The following PHF21B variants were observed in gnomAD, a reference collection of about 807,000 sequenced individuals.
PHF21B encodes PHD finger protein 4.
A neutral mutation model predicts 62.2 loss-of-function variants in PHF21B; 22 were observed. That is an observed-to-expected ratio of 0.35 (90% CI 0.25 to 0.51). PHF21B has a LOEUF of 0.51. PHF21B is among the 20% of genes least tolerant of loss of function. PHF21B has a pLI of 0.97. For missense variants in PHF21B, 701 were observed against 707.9 expected (o/e 0.99, Z 0.11); for synonymous variants, 341 against 314.7 (o/e 1.08, Z -0.88).
chr22:44,889,321 G>A (rs920828093), intron 9 of PHF21B, among the ~76,000 whole-genome samples: 2 of 152,250 alleles, frequency 1.3e-5, no homozygotes, highest in Non-Finnish European at 2.9e-5. Flanking sequence ...TCACAGAAAT[G>A]TGGGTGTGTG....
chr22:44,932,038 A>G (rs898379746), intron 2 of PHF21B, among the ~76,000 whole-genome samples: 1 of 152,208 alleles, frequency 6.6e-6, no homozygotes, highest in Non-Finnish European at 1.5e-5. Flanking sequence ...GGAAAGACGC[A>G]GCCTTGAGGC....
intron 2 of PHF21B, among the ~76,000 whole-genome samples, chr22:44,954,039 C>A (rs1455245183): frequency 6.6e-6 from 1 of 152,214 alleles, no homozygotes; most frequent in African/African-American, 2.4e-5. Flanking sequence ...AGAGCAGACC[C>A]CCAGTGGGGT....
At chr22:44,935,054 G>A (rs4514991) in intron 2 of PHF21B, among the ~76,000 whole-genome samples, 104,568 of 152,002 alleles carry the variant, frequency 0.69, 37,620 homozygotes, top group Non-Finnish European at 0.79. Context: ...AAACACACAC[G>A]CTCATGCAGT....
intron 5 of PHF21B, 113 bp from the exon 6 acceptor site, chr22:44,896,196 C>A: frequency 8.9e-7 from 1 of 1,126,258 alleles, no homozygotes; most frequent in East Asian, 2.4e-5. Context: ...GTGCCCTAAC[C>A]ACAGAGGCCT....
At chr22:44,894,185 A>AG (rs1239487019) in intron 6 of PHF21B, among the ~76,000 whole-genome samples, 1 of 152,216 alleles carries the variant, frequency 6.6e-6, no homozygotes, top group African/African-American at 2.4e-5. Flanking sequence ...GTTTTCTGTA[A>AG]GGCACTCAGA....
chr22:44,945,307 A>C (rs1247454440), intron 2 of PHF21B, among the ~76,000 whole-genome samples: 1 of 152,184 alleles, frequency 6.6e-6, no homozygotes, highest in Non-Finnish European at 1.5e-5. Context: ...GGTCTGACCC[A>C]GGCTCCCCCA....
At chr22:44,942,029 G>A (rs1291655095) in intron 2 of PHF21B, among the ~76,000 whole-genome samples, 2 of 152,220 alleles carry the variant, frequency 1.3e-5, no homozygotes, top group Non-Finnish European at 2.9e-5. Context: ...CATGGCCCGA[G>A]GCCCAGTGGG....
chr22:44,925,259 T>C (rs2071607080), intron 2 of PHF21B, among the ~76,000 whole-genome samples: 1 of 152,214 alleles, frequency 6.6e-6, no homozygotes, highest in South Asian at 2.1e-4. Flanking sequence ...ATATTGTACA[T>C]TCTAAATACA....
intron 2 of PHF21B, among the ~76,000 whole-genome samples, chr22:44,983,219 G>A (rs969686659): frequency 2.3e-5 from 3 of 128,308 alleles, no homozygotes; most frequent in African/African-American, 9.1e-5. Flanking sequence ...GGGCGACAGA[G>A]CGAGACTCTG....
Position 45,009,394 on chromosome 22 carries a change from A to T in PHF21B, c.54+102T>A. 2 of 1,230,722 alleles carry T rather than the reference A, an allele frequency of 1.6e-6. No individual in the cohort carries two copies. Among genetic ancestry groups the T allele is most frequent in the Non-Finnish European group, 2.2e-6 (2 of 915,208 alleles). The allele number at this position is 1,230,722 out of a possible 1,614,324, so 76.2% of individuals were successfully genotyped here. On this transcript the variant is annotated intron_variant, in intron 1 of 12. Coordinates refer to ENST00000313237, the MANE Select transcript of PHF21B (RefSeq NM_138415.5). This position sits in a 1 kb window ranked among gnomAD's most constrained non-coding sequence, Gnocchi z 5.9. Reference sequence around the variant, plus strand: ...CGCCCCCGGGCAGGCTCCAGCCTGGAAGACCCAGAGACCCGGAAGAGAGGA... The same window carrying T: ...CGCCCCCGGGCAGGCTCCAGCCTGGTAGACCCAGAGACCCGGAAGAGAGGA...
chr22:44,932,371 C>CTGGAGTCCCCTGAGTCTGGGG (rs2071759741), intron 2 of PHF21B, among the ~76,000 whole-genome samples: 1 of 152,140 alleles, frequency 6.6e-6, no homozygotes, highest in South Asian at 2.1e-4. Flanking sequence ...TCAGAGTGTC[C>CTGGAGTCCCCTGAGTCTGGGG]TTATTCCTTC....
intron 5 of PHF21B, among the ~76,000 whole-genome samples, chr22:44,911,096 CT>C (rs1450596224): frequency 6.6e-6 from 1 of 152,166 alleles, no homozygotes; most frequent in Non-Finnish European, 1.5e-5. Context: ...ACTTGTGGAA[CT>C]TTGAACTTGA....
chr22:44,884,179 T>TGATCAC (rs2070797031), intron 12 of PHF21B, among the ~76,000 whole-genome samples: 1 of 141,716 alleles, frequency 7.1e-6, no homozygotes, highest in African/African-American at 2.7e-5. Context: ...ATCACCACCA[T>TGATCAC]CATTACCACC....
chr22:45,001,756 G>A (rs146933935), intron 2 of PHF21B: 1 of 152,218 alleles, frequency 6.6e-6, no homozygotes, highest in African/African-American at 2.4e-5. Flanking sequence ...ACAATACCAC[G>A]TCAGGTGTGA....
intron 2 of PHF21B, among the ~76,000 whole-genome samples, chr22:44,948,932 C>G (rs1273685047): frequency 2.0e-5 from 3 of 152,212 alleles, no homozygotes; most frequent in African/African-American, 7.2e-5. Context: ...GGCTTATCCA[C>G]AAATGGGTCA....
At chr22:44,888,320 AG>A (rs964875526) in intron 9 of PHF21B, among the ~76,000 whole-genome samples, 199 bp from the exon 10 acceptor site, 14 of 151,910 alleles carry the variant, frequency 9.2e-5, no homozygotes, top group Admixed American at 5.2e-4. Context: ...CCCTGGGAGG[AG>A]GGGGGGCACC....
intron 2 of PHF21B, among the ~76,000 whole-genome samples, chr22:44,930,913 C>G (rs2071729002): frequency 6.6e-6 from 1 of 152,210 alleles, no homozygotes; most frequent in Admixed American, 6.5e-5. Flanking sequence ...CATCCTGAAT[C>G]CTGCTCTCTC....
intron 2 of PHF21B, among the ~76,000 whole-genome samples, chr22:44,935,554 C>T (rs1486252773): frequency 6.6e-6 from 1 of 151,950 alleles, no homozygotes; most frequent in African/African-American, 2.4e-5. Context: ...GTGGAGCTTG[C>T]AGTGAGCCGA....
Position 45,009,133 on chromosome 22 carries a change from G to C in PHF21B, c.54+363C>G, listed in dbSNP as rs1304915373. On this transcript the variant is annotated intron_variant, in intron 1 of 12. Coordinates refer to ENST00000313237, the MANE Select transcript of PHF21B (RefSeq NM_138415.5). The surrounding 1 kb of genome is among the most constrained non-coding windows in gnomAD (Gnocchi z 5.9). ...ACCGGGCAGGTTCGCCCGGGGCGCGGGGGCCCGAGGGGAGGCCGGAAGGGG... is the reference window on the plus strand; with the variant it reads ...ACCGGGCAGGTTCGCCCGGGGCGCGCGGGCCCGAGGGGAGGCCGGAAGGGG... The C allele has an allele frequency of 1.4e-6, 1 of 701,850 alleles. No homozygotes were observed. The highest frequency in any genetic ancestry group is 1.9e-6 in the Non-Finnish European group (1 of 520,442). 43.5% of individuals were successfully genotyped at this position (701,850 alleles called of 1,614,324 possible). A position where few individuals can be genotyped will look rare whatever the true frequency, so the allele number is the denominator to read the frequency against.
Sources: allele counts gnomAD v4.1 joint callset (sites outside exome capture counted in the v4.1 genomes callset), GRCh38; gene constraint gnomAD v4.1.1; non-coding constraint Gnocchi (gnomAD v3.1); transcripts MANE v1.5; gene names NCBI Gene and HGNC (gene_info 2026-07-23, HGNC 2026-07-21).